The following INSYN2B variants were observed in gnomAD, a reference collection of about 807,000 sequenced individuals.
INSYN2B encodes the protein protein INSYN2B.
INSYN2B carries 16 observed loss-of-function variants against 41.2 expected under a neutral mutation model. The ratio of observed to expected loss-of-function variants is 0.39; its 90% CI spans 0.26 to 0.59. The LOEUF (loss-of-function observed/expected upper bound fraction) is 0.59, where lower values mean the gene tolerates loss of function less well. Among genes scored for constraint, INSYN2B ranks in the 20% least tolerant of loss-of-function variants. The pLI, the probability that INSYN2B is intolerant of heterozygous loss-of-function variation, is 0.57. For missense variants in INSYN2B, 608 were observed against 646.4 expected (o/e 0.94, Z 0.64); for synonymous variants, 245 against 244.4 (o/e 1.00, Z -0.02).
intron 1 of INSYN2B, among the ~76,000 whole-genome samples, chr5:169,976,536 T>C (rs1777723256): frequency 6.6e-6 from 1 of 152,190 alleles, no homozygotes; most frequent in Non-Finnish European, 1.5e-5. Context: ...CTTCCCCTTG[T>C]GATTAAACAT....
At chr5:169,966,817 A>G (rs1051219228) in intron 1 of INSYN2B, among the ~76,000 whole-genome samples, 4 of 152,244 alleles carry the variant, frequency 2.6e-5, no homozygotes, top group Admixed American at 6.5e-5. Context: ...GGCTCCAGCC[A>G]TCATGCAATG....
chr5:169,974,364 A>AAAGAGAAGTTAG (rs1315214651), intron 1 of INSYN2B, among the ~76,000 whole-genome samples: 35 of 152,286 alleles, frequency 2.3e-4, no homozygotes, highest in African/African-American at 7.9e-4. Context: ...ACTAATACTA[A>AAAGAGAAGTTAG]CTTCTCTTTC....
At chr5:169,890,167 G>T (rs962095097) in intron 1 of INSYN2B, among the ~76,000 whole-genome samples, 2 of 152,190 alleles carry the variant, frequency 1.3e-5, no homozygotes, top group African/African-American at 4.8e-5. Context: ...TGGAGACCCC[G>T]ACTCTTCCTC....
intron 3 of INSYN2B, among the ~76,000 whole-genome samples, chr5:169,870,558 G>T (rs1164012058): frequency 6.6e-6 from 1 of 151,876 alleles, no homozygotes; most frequent in Non-Finnish European, 1.5e-5. Context: ...AAGTATTTTA[G>T]ATCTGTGGGT....
chr5:169,899,966 A>G (rs1428914001), intron 1 of INSYN2B, among the ~76,000 whole-genome samples: 1 of 152,226 alleles, frequency 6.6e-6, no homozygotes, highest in East Asian at 1.9e-4. Context: ...TAAGATCATG[A>G]GAGTCTCACA....
chr5:169,961,769 GGAGTTCAA>G (rs1274178985), intron 1 of INSYN2B, among the ~76,000 whole-genome samples: 10 of 151,964 alleles, frequency 6.6e-5, no homozygotes, highest in Admixed American at 6.6e-4. Context: ...CTAGAAGTTA[GGAGTTCAA>G]GACCAGCCTG....
chr5:169,938,455 A>G (rs1396398018), intron 1 of INSYN2B, among the ~76,000 whole-genome samples: 1 of 152,228 alleles, frequency 6.6e-6, no homozygotes, highest in African/African-American at 2.4e-5. Context: ...CCTGTATAGC[A>G]TGTTACTCTC....
chr5:169,931,279 A>T (rs1230043171), intron 1 of INSYN2B, among the ~76,000 whole-genome samples: 2 of 152,248 alleles, frequency 1.3e-5, no homozygotes, highest in African/African-American at 2.4e-5. Flanking sequence ...AACCCAGCCC[A>T]GTTGCTGACA....
At chr5:169,929,269 T>C (rs1005103643) in intron 1 of INSYN2B, among the ~76,000 whole-genome samples, 4 of 152,234 alleles carry the variant, frequency 2.6e-5, no homozygotes, top group Non-Finnish European at 4.4e-5. Flanking sequence ...CTTGGCCATA[T>C]GGTAAACATT....
chr5:169,934,383 C>G (rs1304268546), intron 1 of INSYN2B, among the ~76,000 whole-genome samples: 1 of 152,130 alleles, frequency 6.6e-6, no homozygotes, highest in Non-Finnish European at 1.5e-5. Context: ...CTGTGTTGTT[C>G]CCACTAATTT....
rs1381306444 is a variant in INSYN2B, at chr5:169,882,903, T to C, written c.996A>G (p.Ser332=). 4 of 1,551,860 alleles carry C rather than the reference T, an allele frequency of 2.6e-6. No homozygotes were observed. The highest frequency in any genetic ancestry group is 3.5e-6 in the Non-Finnish European group (4 of 1,146,932). ...HPGRASDCPS[S]SNNHQNLVSL... ...ACACCAGATTCTGGTGATTGTTACT[T>C]GATGAAGGACAGTCTGAGGCTCTTC... The change falls in exon 2 of 4, where the codon TCA becomes TCG. Residue 332 remains serine, a synonymous_variant. Transcript: ENST00000377365.
intron 3 of INSYN2B, among the ~76,000 whole-genome samples, chr5:169,874,463 T>G: frequency 8.5e-6 from 1 of 117,410 alleles, no homozygotes; most frequent in Admixed American, 8.7e-5. Context: ...TTTGAGAAAA[T>G]GGAAAATGAG....
At chr5:169,879,192 C>T (rs1263229526) in intron 3 of INSYN2B, among the ~76,000 whole-genome samples, 2 of 152,280 alleles carry the variant, frequency 1.3e-5, no homozygotes, top group South Asian at 2.1e-4. Context: ...ATCCATCATG[C>T]GCTGGATCAT....
intron 1 of INSYN2B, among the ~76,000 whole-genome samples, chr5:169,948,012 G>T (rs1776514141): frequency 6.6e-6 from 1 of 151,974 alleles, no homozygotes; most frequent in African/African-American, 2.4e-5. Context: ...TTCCTCTCAG[G>T]CCTTTCCTCT....
intron 1 of INSYN2B, among the ~76,000 whole-genome samples, chr5:169,967,512 G>A (rs1354285699): frequency 1.3e-5 from 2 of 152,156 alleles, no homozygotes; most frequent in African/African-American, 2.4e-5. Flanking sequence ...TAGGAAGAGT[G>A]GAAGAAATAA....
chr5:169,980,328 G>A lies in INSYN2B; in HGVS notation c.-970C>T, dbSNP rs550963360. ...GGATGGTCCCCCTTCCTTGCACAAT[G>A]AGCCAGGCTTTGACCAGCAGCAAAA... On this transcript the variant is annotated 5_prime_UTR_variant, in exon 1 of 4. Transcript: ENST00000377365. The A allele has an allele frequency of 6.6e-6, 1 of 152,210 alleles. No individual in the cohort carries two copies. The highest frequency in any genetic ancestry group is 1.5e-5 in the Non-Finnish European group (1 of 68,038). The allele number at this position is 152,210 out of a possible 1,614,324, so 9.4% of individuals were successfully genotyped here.
intron 1 of INSYN2B, chr5:169,934,852 A>G (rs1775916586): frequency 2.6e-6 from 1 of 387,372 alleles, no homozygotes; most frequent in Non-Finnish European, 5.2e-6. Context: ...TAAATAAAGC[A>G]TTATACATTG....
At chr5:169,958,032 C>T (rs1776936573) in intron 1 of INSYN2B, among the ~76,000 whole-genome samples, 1 of 152,156 alleles carries the variant, frequency 6.6e-6, no homozygotes. Flanking sequence ...GCAAGCAGTG[C>T]AAGAACATTT....
At chr5:169,894,982 C>T (rs979447768) in intron 1 of INSYN2B, among the ~76,000 whole-genome samples, 1 of 152,188 alleles carries the variant, frequency 6.6e-6, no homozygotes, top group Non-Finnish European at 1.5e-5. Context: ...GGGCCAAGAA[C>T]ATCTCTGTGG....
Sources: gnomAD v4.1 joint callset for allele counts (sites outside exome capture counted in the v4.1 genomes callset) on GRCh38, gnomAD v4.1.1 for gene constraint, MANE v1.5 for transcripts, NCBI Gene and HGNC (gene_info 2026-07-23, HGNC 2026-07-21) for gene names.